The following KCNAB1 variants were observed in gnomAD, a reference collection of about 807,000 sequenced individuals.
The protein encoded by KCNAB1 is voltage-gated potassium channel subunit beta-1.
A neutral mutation model predicts 64.6 loss-of-function variants in KCNAB1; 35 were observed. The ratio of observed to expected loss-of-function variants is 0.54; its 90% CI spans 0.41 to 0.72. The LOEUF (loss-of-function observed/expected upper bound fraction) is 0.72, where lower values mean the gene tolerates loss of function less well. Among genes scored for constraint, KCNAB1 ranks in the 30% least tolerant of loss-of-function variants. The probability of loss-of-function intolerance (pLI) is 0.00; values close to 1 mark genes in which losing one functional copy is unlikely to be tolerated. For missense variants in KCNAB1, 401 were observed against 512.9 expected (o/e 0.78, Z 2.11); for synonymous variants, 177 against 183.8 (o/e 0.96, Z 0.30).
chr3:156,347,781 A>G (rs1045838984), intron 1 of KCNAB1, among the ~76,000 whole-genome samples: 1 of 152,168 alleles, frequency 6.6e-6, no homozygotes, highest in African/African-American at 2.4e-5. Context: ...CTTAAAATCC[A>G]CTCATCTTTG....
intron 1 of KCNAB1, among the ~76,000 whole-genome samples, chr3:156,367,171 CTTT>C (rs9331286): frequency 4.1e-4 from 48 of 118,416 alleles, no homozygotes; most frequent in African/African-American, 1.7e-3. Flanking sequence ...AGTAATCTAC[CTTT>C]TTTTTTTTTT....
intron 1 of KCNAB1, among the ~76,000 whole-genome samples, chr3:156,329,761 G>A (rs145223758): frequency 2.0e-3 from 309 of 152,274 alleles, no homozygotes; most frequent in African/African-American, 7.3e-3. Flanking sequence ...ATAGAAGATG[G>A]TAGAAAGACC....
chr3:156,175,849 T>G, intron 1 of KCNAB1: 1 of 682,942 alleles, frequency 1.5e-6, no homozygotes, highest in Non-Finnish European at 2.8e-6. Context: ...AGCCTTGGAG[T>G]CTTCCATTCC....
chr3:156,337,286 G>T (rs565646495), intron 1 of KCNAB1, among the ~76,000 whole-genome samples: 1 of 152,346 alleles, frequency 6.6e-6, no homozygotes, highest in South Asian at 2.1e-4. Flanking sequence ...GTACAGGGCT[G>T]ATAGCTTTAG....
intron 1 of KCNAB1, among the ~76,000 whole-genome samples, chr3:156,407,688 G>A (rs577165409): frequency 6.6e-6 from 1 of 152,260 alleles, no homozygotes; most frequent in South Asian, 2.1e-4. Flanking sequence ...TTTAGGCAAC[G>A]TTACCTCAGT....
chr3:156,310,179 T>G (rs988349254), intron 1 of KCNAB1, among the ~76,000 whole-genome samples: 43 of 152,124 alleles, frequency 2.8e-4, no homozygotes, highest in African/African-American at 1.0e-3. Flanking sequence ...AATGGGGTAT[T>G]TCTCTCCCTG....
At chr3:156,411,725 G>A (rs993637498) in intron 1 of KCNAB1, among the ~76,000 whole-genome samples, 14 of 152,018 alleles carry the variant, frequency 9.2e-5, no homozygotes, top group African/African-American at 3.4e-4. Flanking sequence ...TGTCTATTCT[G>A]TTTCATTTAT....
chr3:156,465,423 A>G (rs1713289260), intron 6 of KCNAB1, among the ~76,000 whole-genome samples: 1 of 152,148 alleles, frequency 6.6e-6, no homozygotes, highest in African/African-American at 2.4e-5. Flanking sequence ...GGTGTTGAGC[A>G]TGTTAGTGGC....
Position 156,243,377 on chromosome 3 carries a change from A to G in KCNAB1, c.275+122491A>G, listed in dbSNP as rs569083223. Among the ~76,000 whole-genome samples, 371 of 151,918 alleles carry G rather than the reference A, an allele frequency of 2.4e-3. 2 individuals are homozygous for G. The highest frequency in any genetic ancestry group is 8.3e-3 in the African/African-American group (342 of 41,410). ...ATAGCTGGGATTACAGGCCTGCGCC[A>G]CCATGCCCGGCTAATTTCTTTTTGT... On this transcript the variant is annotated intron_variant, in intron 1 of 13. Transcript: ENST00000490337.
intron 1 of KCNAB1, among the ~76,000 whole-genome samples, chr3:156,373,612 T>C (rs1560223734): frequency 1.3e-5 from 2 of 152,270 alleles, no homozygotes; most frequent in South Asian, 2.1e-4. Flanking sequence ...CAAAATACTT[T>C]TTTTTAAGAA....
At chr3:156,304,242 G>A (rs376523546) in intron 1 of KCNAB1, among the ~76,000 whole-genome samples, 4 of 152,278 alleles carry the variant, frequency 2.6e-5, no homozygotes, top group African/African-American at 4.8e-5. Flanking sequence ...TTATCAGAAT[G>A]TCTGAATAAC....
intron 1 of KCNAB1, among the ~76,000 whole-genome samples, chr3:156,175,653 G>C (rs1712319337): frequency 6.6e-6 from 1 of 152,174 alleles, no homozygotes; most frequent in South Asian, 2.1e-4. Context: ...AAATCAGGCA[G>C]GTGGATTTTA....
rs1254555423 is a variant in KCNAB1 at position 156,158,186 on chromosome 3, A to G, written c.275+37300A>G. Among the ~76,000 whole-genome samples, 3 of 89,020 alleles carry G rather than the reference A, an allele frequency of 3.4e-5. No homozygotes were observed. In the East Asian group the frequency reaches 1.6e-3, roughly 47 times the overall value. 58.4% of individuals were successfully genotyped at this position (89,020 alleles called of 152,430 possible). A position where few individuals can be genotyped will look rare whatever the true frequency, so the allele number is the denominator to read the frequency against. ...TCTCAAAAAAAAAAATAAAAAATAA[A>G]TAAATAAATAAATAAATAAATAAAT... is the stretch of plus-strand genomic sequence containing the variant. On this transcript the variant is annotated intron_variant, in intron 1 of 13. Coordinates refer to ENST00000490337, the MANE Select transcript of KCNAB1 (RefSeq NM_172160.3).
Position 156,178,828 on chromosome 3 carries a change from C to T in KCNAB1, c.275+57942C>T, listed in dbSNP as rs545606700. Among the ~76,000 whole-genome samples the T allele has an allele frequency of 1.9e-3, 281 of 151,860 alleles. 1 individual carries two copies. The highest frequency in any genetic ancestry group is 6.6e-3 in the African/African-American group (272 of 41,394). On this transcript the variant is annotated intron_variant, in intron 1 of 13. Coordinates refer to ENST00000490337, the MANE Select transcript of KCNAB1 (RefSeq NM_172160.3). ...CATCTTGGCTAACACGGTGAAACCC[C>T]GTTTCTACTAAAAATACAAAAAATT... is the stretch of plus-strand genomic sequence containing the variant.
intron 1 of KCNAB1, among the ~76,000 whole-genome samples, chr3:156,151,588 C>G (rs1715414361): frequency 6.6e-6 from 1 of 152,164 alleles, no homozygotes; most frequent in Non-Finnish European, 1.5e-5. Context: ...GCCCCATTTG[C>G]TTTAACTTTT....
intron 12 of KCNAB1, among the ~76,000 whole-genome samples, chr3:156,528,141 T>C (rs1718452613): frequency 2.1e-5 from 3 of 144,186 alleles, no homozygotes; most frequent in Non-Finnish European, 3.0e-5. Flanking sequence ...AGGCCAAAAA[T>C]AGTTCTCAGT....
intron 1 of KCNAB1, among the ~76,000 whole-genome samples, chr3:156,404,573 A>T (rs1714118335): frequency 6.6e-6 from 1 of 152,174 alleles, no homozygotes; most frequent in African/African-American, 2.4e-5. Flanking sequence ...TTTATCTCAC[A>T]AGTACTTTTT....
chr3:156,255,771 C>CGTGGGACAGG, intron 1 of KCNAB1, among the ~76,000 whole-genome samples: 1 of 152,312 alleles, frequency 6.6e-6, no homozygotes, highest in East Asian at 1.9e-4. Flanking sequence ...GGTTTCCTCT[C>CGTGGGACAGG]ACTCAGAATG....
At chr3:156,283,674 CT>C (rs1422564276) in intron 1 of KCNAB1, among the ~76,000 whole-genome samples, 1 of 151,790 alleles carries the variant, frequency 6.6e-6, no homozygotes, top group Non-Finnish European at 1.5e-5. Flanking sequence ...TCTTTTTATT[CT>C]TTTTTCTCTA....
Sources: gnomAD v4.1 joint callset for allele counts (sites outside exome capture counted in the v4.1 genomes callset) on GRCh38, gnomAD v4.1.1 for gene constraint, MANE v1.5 for transcripts, NCBI Gene and HGNC (gene_info 2026-07-23, HGNC 2026-07-21) for gene names.